MCTP1: variants seen among roughly 807,000 people sequenced by gnomAD.
The protein encoded by MCTP1 is multiple C2 and transmembrane domain containing 1.
Under a neutral mutation model 120.6 loss-of-function variants are expected in MCTP1, and 69 were observed. That is an observed-to-expected ratio of 0.57 (90% CI 0.47 to 0.70). MCTP1 has a LOEUF of 0.70. Among genes scored for constraint, MCTP1 ranks in the 30% least tolerant of loss-of-function variants. The pLI is 0.00. For missense variants in MCTP1, 1,203 were observed against 1,248.8 expected, an observed-to-expected ratio of 0.96 and a Z score of 0.55; for synonymous variants, 529 against 493.1, an observed-to-expected ratio of 1.07 and a Z score of -0.96.
chr5:94,790,350 C>T (rs983725351), intron 18 of MCTP1, among the ~76,000 whole-genome samples: 1 of 152,110 alleles, frequency 6.6e-6, no homozygotes, highest in African/African-American at 2.4e-5. Context: ...GTGCGGCACG[C>T]AAGAGAAAAA....
chr5:95,212,518 C>A (rs543387895), intron 1 of MCTP1, among the ~76,000 whole-genome samples: 3 of 152,070 alleles, frequency 2.0e-5, no homozygotes, highest in Non-Finnish European at 2.9e-5. Context: ...TTTTATGAGG[C>A]CAGCATCATA....
chr5:94,940,290 TTTTGTCTTCC>T, intron 4 of MCTP1, 95 bp from the exon 5 acceptor site: 1 of 696,046 alleles, frequency 1.4e-6, no homozygotes, highest in Non-Finnish European at 2.2e-6. Context: ...TAAAAAGTAA[TTTTGTCTTCC>T]TTTACTTTCT....
intron 1 of MCTP1, among the ~76,000 whole-genome samples, chr5:95,268,993 C>T (rs890793425): frequency 6.6e-6 from 1 of 152,128 alleles, no homozygotes; most frequent in Non-Finnish European, 1.5e-5. Flanking sequence ...GTTTTGGAGC[C>T]AGTTCTGAGC....
intron 1 of MCTP1, among the ~76,000 whole-genome samples, chr5:95,099,152 C>T (rs1756511910): frequency 6.6e-6 from 1 of 152,122 alleles, no homozygotes. Flanking sequence ...AACGTTAGAC[C>T]TAAATCCATA....
chr5:95,015,971 T>C (rs773913043), intron 2 of MCTP1, among the ~76,000 whole-genome samples: 5 of 152,148 alleles, frequency 3.3e-5, no homozygotes, highest in Non-Finnish European at 7.4e-5. Flanking sequence ...CTAAAAAAAG[T>C]TGTATACGCT....
At chr5:94,714,921 A>C (rs1469094471) in intron 19 of MCTP1, 35 bp from the exon 20 acceptor site, 1 of 1,208,826 alleles carries the variant, frequency 8.3e-7, no homozygotes, top group East Asian at 2.3e-5. Flanking sequence ...CTGTATGAGT[A>C]AAGGTATTCT....
chr5:95,123,183 T>C (rs1466281052), intron 1 of MCTP1, among the ~76,000 whole-genome samples: 1 of 152,198 alleles, frequency 6.6e-6, no homozygotes, highest in Non-Finnish European at 1.5e-5. Flanking sequence ...TTTACCCTGA[T>C]ATGATTATTA....
intron 17 of MCTP1, among the ~76,000 whole-genome samples, chr5:94,842,173 G>A (rs184218565): frequency 6.6e-6 from 1 of 152,300 alleles, no homozygotes; most frequent in African/African-American, 2.4e-5. Context: ...AGGTTTTTGT[G>A]TAAATGTGAG....
At chr5:95,019,374 C>A (rs1006357470) in intron 1 of MCTP1, among the ~76,000 whole-genome samples, 2 of 152,000 alleles carry the variant, frequency 1.3e-5, no homozygotes, top group African/African-American at 4.8e-5. Context: ...TGAACTTACT[C>A]ATCTTACAGC....
chr5:94,834,125 T>C (rs1026200876), intron 17 of MCTP1, among the ~76,000 whole-genome samples: 3 of 152,164 alleles, frequency 2.0e-5, no homozygotes, highest in African/African-American at 7.2e-5. Context: ...ACTTGGACAT[T>C]ATGGTGAAAG....
chr5:94,890,993 C>A (rs921815289), intron 11 of MCTP1, among the ~76,000 whole-genome samples: 2 of 152,140 alleles, frequency 1.3e-5, no homozygotes, highest in Non-Finnish European at 1.5e-5. Flanking sequence ...GCATTCCCAT[C>A]ATCATATTAA....
intron 5 of MCTP1, 32 bp from the exon 6 acceptor site, chr5:94,932,023 T>C: frequency 4.6e-6 from 7 of 1,506,862 alleles, no homozygotes; most frequent in Non-Finnish European, 6.4e-6. Flanking sequence ...TTCATTATCT[T>C]TTCACTCAAG....
At chr5:95,044,403 T>A (rs542442495) in intron 1 of MCTP1, among the ~76,000 whole-genome samples, 4 of 152,330 alleles carry the variant, frequency 2.6e-5, no homozygotes, top group African/African-American at 9.6e-5. Context: ...TTTCTCTAAA[T>A]GTTGCCCATT....
At chr5:95,146,446 C>T (rs1477239132) in intron 1 of MCTP1, among the ~76,000 whole-genome samples, 1 of 151,918 alleles carries the variant, frequency 6.6e-6, no homozygotes, top group Admixed American at 6.6e-5. Flanking sequence ...TTGTTATTTT[C>T]TCCTCTACTT....
intron 12 of MCTP1, among the ~76,000 whole-genome samples, chr5:94,876,709 T>A (rs559614737): frequency 1.3e-5 from 2 of 151,980 alleles, no homozygotes; most frequent in Admixed American, 6.6e-5. Flanking sequence ...GAGAATTTGG[T>A]TTGGATAGAA....
chr5:95,065,145 T>C (rs766924685), intron 1 of MCTP1, among the ~76,000 whole-genome samples: 32 of 151,794 alleles, frequency 2.1e-4, no homozygotes, highest in Admixed American at 4.6e-4. Context: ...ACTAAAATTA[T>C]TATTAATTAA....
chr5:95,239,923 C>A (rs780599678), intron 1 of MCTP1, among the ~76,000 whole-genome samples: 1 of 151,978 alleles, frequency 6.6e-6, no homozygotes, highest in Non-Finnish European at 1.5e-5. Flanking sequence ...TATGTTATTA[C>A]ACATTTTTAT....
chr5:94,846,619 T>C (rs1792434551), intron 17 of MCTP1, among the ~76,000 whole-genome samples: 1 of 152,124 alleles, frequency 6.6e-6, no homozygotes, highest in African/African-American at 2.4e-5. Context: ...AGTTTACCTA[T>C]AATAACAAAC....
chr5:95,047,290 G>A (rs1284154050), intron 1 of MCTP1, among the ~76,000 whole-genome samples: 5 of 152,018 alleles, frequency 3.3e-5, no homozygotes, highest in African/African-American at 7.2e-5. Context: ...AGTGTCTTAC[G>A]TCATCCTGGT....
Sources: allele counts gnomAD v4.1 joint callset (sites outside exome capture counted in the v4.1 genomes callset), GRCh38; gene constraint gnomAD v4.1.1; transcripts MANE v1.5; gene names NCBI Gene and HGNC (gene_info 2026-07-23, HGNC 2026-07-21).